The following C1GALT1 variants were observed in gnomAD, a reference collection of about 807,000 sequenced individuals.
C1GALT1 encodes the protein core 1 synthase, glycoprotein-N-acetylgalactosamine 3-beta-galactosyltransferase 1.
Under a neutral mutation model 31.0 loss-of-function variants are expected in C1GALT1, and 11 were observed. That is an observed-to-expected ratio of 0.36 (90% CI 0.22 to 0.59). C1GALT1 has a LOEUF of 0.59. Ranked by LOEUF, C1GALT1 falls within the 20% of genes least tolerant of loss-of-function variation. C1GALT1 has a pLI of 0.79. For synonymous variants in C1GALT1, 175 were observed against 143.6 expected (o/e 1.22, Z -1.56); for missense variants, 424 against 425.2 (o/e 1.00, Z 0.03).
intron 1 of C1GALT1, among the ~76,000 whole-genome samples, chr7:7,194,300 A>C (rs1265473173): frequency 1.3e-5 from 2 of 152,052 alleles, no homozygotes; most frequent in African/African-American, 4.8e-5. Context: ...GTATAATGTT[A>C]GCTGTAGGTT....
At chr7:7,188,268 G>A (rs1780907351) in intron 1 of C1GALT1, among the ~76,000 whole-genome samples, 1 of 152,164 alleles carries the variant, frequency 6.6e-6, no homozygotes, top group African/African-American at 2.4e-5. Context: ...GAACCCATTG[G>A]TGAATAATTT....
intron 2 of C1GALT1, among the ~76,000 whole-genome samples, chr7:7,237,853 G>A (rs1369151473): frequency 6.6e-6 from 1 of 152,132 alleles, no homozygotes; most frequent in African/African-American, 2.4e-5. Flanking sequence ...GAAGTGCCAA[G>A]CAGAGACTAT....
At chr7:7,231,035 TTAGAAA>T (rs1272220631) in intron 1 of C1GALT1, among the ~76,000 whole-genome samples, 3 of 152,332 alleles carry the variant, frequency 2.0e-5, no homozygotes, top group African/African-American at 7.2e-5. Context: ...GCCTGAAGAA[TTAGAAA>T]TAGAACTGTT....
At position 7,201,411 on chromosome 7, in the gene C1GALT1, C is replaced by CCTACTGGGAGGTGTCTCCCAGTTAGG. The variant is rs772808122; in HGVS notation, c.-18+18604_-18+18629dup. On this transcript the variant is annotated intron_variant, in intron 1 of 3. Coordinates refer to ENST00000436587, the MANE Select transcript of C1GALT1 (RefSeq NM_020156.5). ...CAGCTGTATGAGGTGCCAGTCGGCC[C>CCTACTGGGAGGTGTCTCCCAGTTAGG]CTACTGGGAGGTGTCTCCCAGTTAG... is the stretch of plus-strand genomic sequence containing the variant. Among the ~76,000 whole-genome samples the CCTACTGGGAGGTGTCTCCCAGTTAGG allele has an allele frequency of 1.1e-4, 16 of 152,294 alleles. No individual in the cohort carries two copies. The South Asian group carries it at 1.5e-3, about 14-fold the overall frequency.
intron 1 of C1GALT1, among the ~76,000 whole-genome samples, chr7:7,208,474 A>G (rs1283637118): frequency 3.3e-5 from 5 of 152,130 alleles, no homozygotes; most frequent in African/African-American, 1.2e-4. Flanking sequence ...TACTATAGTG[A>G]ATTTCTATTT....
chr7:7,243,497 C>T (rs1239973384), intron 3 of C1GALT1, 27 bp from the exon 4 acceptor site: 1 of 1,539,394 alleles, frequency 6.5e-7, no homozygotes, highest in African/African-American at 1.4e-5. Flanking sequence ...TGTTTATTAA[C>T]AATACCTGTT....
At chr7:7,199,624 A>G (rs972897648) in intron 1 of C1GALT1, among the ~76,000 whole-genome samples, 5 of 152,150 alleles carry the variant, frequency 3.3e-5, no homozygotes, top group East Asian at 1.9e-4. Context: ...TGATCTGTCT[A>G]ATGTTGACAG....
chr7:7,229,052 T>C (rs1213539319), intron 1 of C1GALT1, among the ~76,000 whole-genome samples: 2 of 121,818 alleles, frequency 1.6e-5, no homozygotes, highest in Non-Finnish European at 3.4e-5. Context: ...GATATCCATA[T>C]GATGATAGAA....
intron 1 of C1GALT1, among the ~76,000 whole-genome samples, chr7:7,200,873 TGTTTATTCTAGGCA>T (rs1157393084): frequency 2.0e-5 from 3 of 152,252 alleles, no homozygotes; most frequent in Admixed American, 2.0e-4. Context: ...TTCCCTACGC[TGTTTATTCTAGGCA>T]GCCATTCATC....
chr7:7,170,334 C>T (rs1780440255), intron 2 of C1GALT1, among the ~76,000 whole-genome samples: 1 of 152,078 alleles, frequency 6.6e-6, no homozygotes. Context: ...GTTTGGTTTG[C>T]TCTTCCTTTT....
At chr7:7,235,703 A>C (rs1783304431) in intron 2 of C1GALT1, among the ~76,000 whole-genome samples, 1 of 152,178 alleles carries the variant, frequency 6.6e-6, no homozygotes, top group Non-Finnish European at 1.5e-5. Context: ...CAGACTCAGC[A>C]TGTGTAAATT....
chr7:7,230,435 CTATT>C (rs1404332304), intron 1 of C1GALT1, among the ~76,000 whole-genome samples: 9 of 152,018 alleles, frequency 5.9e-5, no homozygotes, highest in East Asian at 1.9e-4. Flanking sequence ...CTTTATAAAT[CTATT>C]TAATATGTGT....
At chr7:7,229,909 G>A (rs1389587639) in intron 1 of C1GALT1, among the ~76,000 whole-genome samples, 1 of 152,128 alleles carries the variant, frequency 6.6e-6, no homozygotes, top group South Asian at 2.1e-4. Flanking sequence ...ATCCATGAAG[G>A]CCTACCTTTC....
intron 2 of C1GALT1, among the ~76,000 whole-genome samples, chr7:7,174,033 G>C (rs1010266810): frequency 1.3e-5 from 2 of 152,158 alleles, no homozygotes; most frequent in African/African-American, 4.8e-5. Context: ...TTTCTGGTGA[G>C]GGTTCTTTTC....
At chr7:7,210,904 C>G (rs1781973118) in intron 1 of C1GALT1, among the ~76,000 whole-genome samples, 1 of 152,148 alleles carries the variant, frequency 6.6e-6, no homozygotes, top group African/African-American at 2.4e-5. Flanking sequence ...AAAATGAAAA[C>G]TTTCCAAGGA....
intron 1 of C1GALT1, among the ~76,000 whole-genome samples, chr7:7,230,008 G>T (rs1022085260): frequency 1.3e-5 from 2 of 152,064 alleles, no homozygotes; most frequent in Non-Finnish European, 2.9e-5. Context: ...CAAGATACTG[G>T]GCAGCTTTGC....
chr7:7,210,678 C>T (rs1781958602), intron 1 of C1GALT1: 1 of 152,136 alleles, frequency 6.6e-6, no homozygotes, highest in Admixed American at 6.5e-5. Context: ...AAAGCTGGCT[C>T]TTCCACCCTG....
In C1GALT1 at chr7:7,243,599, C is replaced by G. The variant is rs757880763; in HGVS notation, c.964C>G (p.Leu322Val). The change falls in exon 4 of 4, where the codon CTC becomes GTC. Residue 322 changes from leucine (L) to valine (V), a missense_variant. Around this residue, in one of 3 missense-constraint regions of C1GALT1, gnomAD observed 191 missense variants for 188.8 expected, o/e 1.01. Coordinates refer to ENST00000436587, the MANE Select transcript of C1GALT1 (RefSeq NM_020156.5). ...DSTTMYELEY[L>V]VYHLRPYGYL... ...TACAACCATGTATGAGTTAGAATAC[C>G]TCGTTTATCATCTTCGTCCATATGG... is the stretch of plus-strand genomic sequence containing the variant. The G allele has an allele frequency of 1.2e-6, 2 of 1,612,010 alleles. No individual in the cohort carries two copies. Among genetic ancestry groups the G allele is most frequent in the African/African-American group, 1.3e-5 (1 of 74,782 alleles).
chr7:7,234,537 A>AAGGTATGGTTT lies in C1GALT1; in HGVS notation c.220_220+10dup. 2 of 1,603,076 alleles carry AAGGTATGGTTT rather than the reference A, an allele frequency of 1.2e-6. No homozygotes were observed. The highest frequency in any genetic ancestry group is 1.7e-6 in the Non-Finnish European group (2 of 1,170,178). The stretch of plus-strand genomic sequence containing the variant: ...TTCAATGCAGATTCTAGCCAACATA[A>AAGGTATGGTTT]AGGTATGGTTTACTTTATTAAGCAG... On this transcript the variant is annotated frameshift_variant and splice_region_variant, in exon 2 of 4. Coordinates refer to ENST00000436587, the MANE Select transcript of C1GALT1 (RefSeq NM_020156.5). LOFTEE classifies it high-confidence loss of function.
Sources: allele counts gnomAD v4.1 joint callset (sites outside exome capture counted in the v4.1 genomes callset), GRCh38; gene constraint gnomAD v4.1.1; regional missense constraint gnomAD v4.1.1; transcripts MANE v1.5; gene names NCBI Gene and HGNC (gene_info 2026-07-23, HGNC 2026-07-21).